The following MAP2K4 variants were observed in gnomAD, a reference collection of about 807,000 sequenced individuals.
MAP2K4 encodes dual specificity mitogen-activated protein kinase kinase 4.
Under a neutral mutation model 48.5 loss-of-function variants are expected in MAP2K4, and 4 were observed. The observed-to-expected ratio is 0.08, with a 90% confidence interval of 0.04 to 0.19. The LOEUF (loss-of-function observed/expected upper bound fraction) is 0.19, where lower values mean the gene tolerates loss of function less well. MAP2K4 is among the 10% of genes least tolerant of loss of function. The pLI, the probability that MAP2K4 is intolerant of heterozygous loss-of-function variation, is 1.00. For missense variants in MAP2K4, 258 were observed against 493.3 expected (o/e 0.52, Z 4.52); for synonymous variants, 166 against 173.1 (o/e 0.96, Z 0.32).
chr17:12,090,922 T>G (rs1971541718), intron 3 of MAP2K4, among the ~76,000 whole-genome samples: 2 of 152,214 alleles, frequency 1.3e-5, no homozygotes, highest in Non-Finnish European at 2.9e-5. Flanking sequence ...TAGTCTGCTT[T>G]AAAGTTTTTC....
intron 2 of MAP2K4, among the ~76,000 whole-genome samples, chr17:12,076,281 G>C (rs530655155): frequency 4.7e-4 from 37 of 79,454 alleles, no homozygotes; most frequent in African/African-American, 2.0e-3. Flanking sequence ...TCACAGTTCT[G>C]TGTGTGTGTG....
intron 2 of MAP2K4, among the ~76,000 whole-genome samples, chr17:12,077,775 C>T (rs1597443923): frequency 6.6e-6 from 1 of 152,164 alleles, no homozygotes; most frequent in Non-Finnish European, 1.5e-5. Flanking sequence ...TACTAGGTGG[C>T]TTAAACAACA....
intron 7 of MAP2K4, among the ~76,000 whole-genome samples, chr17:12,114,586 G>A (rs998470330): frequency 4.6e-5 from 7 of 152,070 alleles, no homozygotes; most frequent in Admixed American, 1.3e-4. Flanking sequence ...TAGACATGGA[G>A]TATTTGGGAA....
intron 1 of MAP2K4, among the ~76,000 whole-genome samples, chr17:12,046,635 T>C (rs1969974030): frequency 6.6e-6 from 1 of 152,180 alleles, no homozygotes; most frequent in African/African-American, 2.4e-5. Flanking sequence ...GGCACTGTGC[T>C]TAATTGATGT....
At chr17:12,094,340 A>G (rs568332874) in intron 3 of MAP2K4, among the ~76,000 whole-genome samples, 2 of 152,364 alleles carry the variant, frequency 1.3e-5, no homozygotes, top group South Asian at 4.1e-4. Context: ...TTCCTTAAAC[A>G]ACTGCTTATT....
At chr17:12,036,161 T>C (rs1480898998) in intron 1 of MAP2K4, among the ~76,000 whole-genome samples, 1 of 152,208 alleles carries the variant, frequency 6.6e-6, no homozygotes, top group African/African-American at 2.4e-5. Flanking sequence ...TAAAATAAAC[T>C]TCAAGTTACA....
At position 12,141,254 on chromosome 17, in the gene MAP2K4, C is replaced by T. The variant is rs764895748; in HGVS notation, c.1194C>T (p.Val398=). 3.7e-6 allele frequency: 6 copies of T among 1,606,564 alleles called. No homozygotes were observed. In the African/African-American group the frequency reaches 4.0e-5, roughly 11 times the overall value. Residue 398 remains valine, a synonymous_variant, in exon 11 of 11, where the codon GTC becomes GTT. Transcript: ENST00000353533. ...CTACTCCCAGCTCTCCCATGTATGT[C>T]GATTGATATCGCTGCTACATCAGAC... ...MPATPSSPMY[V]D
chr17:12,111,484 T>C (rs1972302370), intron 6 of MAP2K4, among the ~76,000 whole-genome samples: 1 of 152,132 alleles, frequency 6.6e-6, no homozygotes, highest in African/African-American at 2.4e-5. Flanking sequence ...GTCTTGATTT[T>C]TTTTTTTTTC....
At chr17:12,036,903 C>CTT (rs34740267) in intron 1 of MAP2K4, among the ~76,000 whole-genome samples, 2 of 151,542 alleles carry the variant, frequency 1.3e-5, no homozygotes, top group East Asian at 1.9e-4. Flanking sequence ...CCCCCGCCAC[C>CTT]TTTTTTTTGT....
intron 7 of MAP2K4, among the ~76,000 whole-genome samples, chr17:12,123,579 G>A (rs375494942): frequency 6.6e-6 from 1 of 151,628 alleles, no homozygotes; most frequent in African/African-American, 2.4e-5. Context: ...TGCTTGCTTT[G>A]TATTTCATTT....
intron 1 of MAP2K4, among the ~76,000 whole-genome samples, chr17:12,035,536 C>G (rs1969566019): frequency 6.6e-6 from 1 of 152,046 alleles, no homozygotes; most frequent in South Asian, 2.1e-4. Flanking sequence ...AAATAAATAA[C>G]TCCATATCAA....
At chr17:12,110,263 A>G in intron 5 of MAP2K4, 112 bp from the exon 6 acceptor site, 1 of 716,676 alleles carries the variant, frequency 1.4e-6, no homozygotes, top group Non-Finnish European at 2.4e-6. Flanking sequence ...TTGAAATATT[A>G]AGCTTAAAAT....
intron 1 of MAP2K4, among the ~76,000 whole-genome samples, chr17:12,038,211 C>T (rs1969660099): frequency 6.6e-6 from 1 of 152,084 alleles, no homozygotes. Flanking sequence ...AAGTGGTTTT[C>T]AATTTAGCTC....
At chr17:12,139,918 C>T (rs771170035) in intron 10 of MAP2K4, 34 bp downstream of exon 10, 12 of 1,524,044 alleles carry the variant, frequency 7.9e-6, no homozygotes, top group Non-Finnish European at 9.8e-6. Flanking sequence ...GTAGGTACAT[C>T]CTAACCCCGG....
At chr17:12,032,788 A>AGT (rs1355416597) in intron 1 of MAP2K4, among the ~76,000 whole-genome samples, 1 of 152,172 alleles carries the variant, frequency 6.6e-6, no homozygotes. Context: ...TTAGGACACT[A>AGT]GTCTTCATAT....
At chr17:12,048,713 A>G (rs1245659491) in intron 1 of MAP2K4, among the ~76,000 whole-genome samples, 2 of 151,812 alleles carry the variant, frequency 1.3e-5, no homozygotes, top group Admixed American at 6.6e-5. Flanking sequence ...CTGGAGTGCA[A>G]TGGCGCGATC....
intron 9 of MAP2K4, among the ~76,000 whole-genome samples, chr17:12,133,780 TATA>T (rs2151594100): frequency 6.6e-6 from 1 of 152,330 alleles, no homozygotes; most frequent in African/African-American, 2.4e-5. Flanking sequence ...ACTAGGACGA[TATA>T]AGACCCATAT....
At chr17:12,092,823 G>A (rs1324939489) in intron 3 of MAP2K4, among the ~76,000 whole-genome samples, 3 of 152,094 alleles carry the variant, frequency 2.0e-5, no homozygotes, top group African/African-American at 7.2e-5. Flanking sequence ...TCAGGAGATC[G>A]AGACTATCCT....
rs572746373 is a variant in MAP2K4 at position 12,097,546 on chromosome 17, T to C, written c.513+1852T>C. 5.4e-4 allele frequency among the ~76,000 whole-genome samples: 83 copies of C among 152,348 alleles called. 1 individual carries two copies. The highest frequency in any genetic ancestry group is 2.0e-3 in the African/African-American group (83 of 41,588). On this transcript the variant is annotated intron_variant, in intron 4 of 10. Coordinates refer to ENST00000353533, the MANE Select transcript of MAP2K4 (RefSeq NM_003010.4). ...GAACAATATTCCCATGGTTTTGTTA[T>C]CATGGATAGCTGAGTCACATTTGGT...
Sources: allele counts gnomAD v4.1 joint callset (sites outside exome capture counted in the v4.1 genomes callset), GRCh38; gene constraint gnomAD v4.1.1; transcripts MANE v1.5; gene names NCBI Gene and HGNC (gene_info 2026-07-23, HGNC 2026-07-21).